ATP13A4: variants seen among roughly 807,000 people sequenced by gnomAD.
The protein encoded by ATP13A4 is ATPase 13A4, also known as probable cation-transporting ATPase 13A4.
A neutral mutation model predicts 142.5 loss-of-function variants in ATP13A4; 114 were observed. The ratio of observed to expected loss-of-function variants is 0.80; its 90% CI spans 0.69 to 0.93. ATP13A4 has a LOEUF of 0.93. Among genes scored for constraint, ATP13A4 ranks in the 40% least tolerant of loss-of-function variants. The pLI, the probability that ATP13A4 is intolerant of heterozygous loss-of-function variation, is 0.00. For missense variants in ATP13A4, 1,392 were observed against 1,454.0 expected (o/e 0.96, Z 0.69); for synonymous variants, 488 against 514.8 (o/e 0.95, Z 0.70).
intron 3 of ATP13A4, among the ~76,000 whole-genome samples, chr3:193,496,577 G>A (rs1326573200): frequency 6.6e-6 from 1 of 152,068 alleles, no homozygotes; most frequent in Non-Finnish European, 1.5e-5. Flanking sequence ...GATCACTTGA[G>A]GTCAGGAGTT....
intron 17 of ATP13A4, among the ~76,000 whole-genome samples, chr3:193,450,254 G>A (rs1199800360): frequency 1.3e-5 from 2 of 152,240 alleles, no homozygotes; most frequent in East Asian, 3.9e-4. Context: ...AGCTCCTTGG[G>A]AACAATCCCA....
intron 1 of ATP13A4, among the ~76,000 whole-genome samples, chr3:193,541,050 G>C (rs994009064): frequency 1.8e-4 from 28 of 151,838 alleles, no homozygotes; most frequent in East Asian, 3.9e-4. Flanking sequence ...GAGATCGAGA[G>C]CATCCTGGCT....
Position 193,448,305 on chromosome 3 carries a change from A to T in ATP13A4, c.2053T>A (p.Phe685Ile). The change falls in exon 18 of 30, where the codon TTT becomes ATT. Residue 685 changes from phenylalanine (F) to isoleucine (I), a missense_variant. Coordinates refer to ENST00000342695, the MANE Select transcript of ATP13A4 (RefSeq NM_032279.4). Reference protein sequence around the residue: ...TRETVESDLIFLGLLILENRL... With the variant: ...TRETVESDLIILGLLILENRL... ...TTCTCCAAGATCAGCAGCCCCAGAA[A>T]TATCAGGTCTGATTCTACCGTCTCC... The T allele has an allele frequency of 2.5e-6, 4 of 1,614,172 alleles. No homozygotes were observed. Among genetic ancestry groups the T allele is most frequent in the Non-Finnish European group, 3.4e-6 (4 of 1,180,026 alleles).
At chr3:193,563,484 T>A (rs1047594032) in intron 2 of ATP13A4, among the ~76,000 whole-genome samples, 2 of 152,186 alleles carry the variant, frequency 1.3e-5, no homozygotes, top group African/African-American at 4.8e-5. Flanking sequence ...CAGTAAATGA[T>A]CAACACATAC....
intron 1 of ATP13A4, among the ~76,000 whole-genome samples, chr3:193,540,527 C>CAAA (rs11360543): frequency 1.8e-4 from 8 of 44,782 alleles, no homozygotes; most frequent in African/African-American, 2.7e-4. Flanking sequence ...GGCTCTCTGC[C>CAAA]AAAAAAAAAA....
In ATP13A4 at chr3:193,493,969, C is replaced by A. The variant is rs142609637; in HGVS notation, c.382-809G>T. On this transcript the variant is annotated intron_variant, in intron 3 of 29. Coordinates refer to ENST00000342695, the MANE Select transcript of ATP13A4 (RefSeq NM_032279.4). ...AGAAGACATTCCATGAAAATGGAAA[C>A]CAGAAAAGAGTAGAAATAGTTATAT... is the stretch of plus-strand genomic sequence containing the variant. Among the ~76,000 whole-genome samples the A allele has an allele frequency of 2.3e-3, 343 of 151,664 alleles. 3 individuals carry two copies. Among genetic ancestry groups the A allele is most frequent in the African/African-American group, 7.4e-3 (305 of 41,386 alleles).
intron 25 of ATP13A4, among the ~76,000 whole-genome samples, chr3:193,418,555 C>T (rs1161275133): frequency 2.0e-5 from 3 of 149,690 alleles, no homozygotes; most frequent in South Asian, 2.1e-4. Flanking sequence ...AAATATCTGG[C>T]ATCCAACACC....
In ATP13A4 at chr3:193,411,016, A is replaced by G. The variant is rs1179742780; in HGVS notation, c.3263T>C (p.Phe1088Ser). 1.2e-6 allele frequency: 2 copies of G among 1,610,888 alleles called. No individual in the cohort carries two copies. Among genetic ancestry groups the G allele is most frequent in the Non-Finnish European group, 1.7e-6 (2 of 1,177,256 alleles). The change falls in exon 28 of 30, where the codon TTT (phenylalanine) becomes TCT (serine). Residue 1088 changes from phenylalanine (F) to serine (S), a missense_variant. Coordinates refer to ENST00000342695, the MANE Select transcript of ATP13A4 (RefSeq NM_032279.4). The part of the protein sequence containing the change: ...IQLGVCLFIL[F>S]ADIPELYRRL... ...TCTATATAATTCTGGTATATCAGCA[A>G]ATAGAATGAATAGACATACACCAAG...
At chr3:193,517,573 C>T (rs1459407792) in intron 1 of ATP13A4, among the ~76,000 whole-genome samples, 1 of 152,154 alleles carries the variant, frequency 6.6e-6, no homozygotes, top group Non-Finnish European at 1.5e-5. Context: ...CTCCGCCTCC[C>T]GGGTTCACGC....
At chr3:193,568,315 A>G (rs1398141422) in intron 2 of ATP13A4, among the ~76,000 whole-genome samples, 2 of 152,108 alleles carry the variant, frequency 1.3e-5, no homozygotes, top group African/African-American at 4.8e-5. Context: ...AGTTGATTCC[A>G]GGAAAAAAGC....
At chr3:193,570,594 T>C (rs1724239538) in intron 2 of ATP13A4, among the ~76,000 whole-genome samples, 1 of 152,164 alleles carries the variant, frequency 6.6e-6, no homozygotes, top group African/African-American at 2.4e-5. Flanking sequence ...AGGACTGGAA[T>C]AGAGGCCTAA....
At chr3:193,582,707 TATATATGTATATTACATATATAAAA>T (rs1577090133) in intron 1 of ATP13A4, among the ~76,000 whole-genome samples, 2 of 46,604 alleles carry the variant, frequency 4.3e-5, no homozygotes, top group East Asian at 5.8e-4. Flanking sequence ...ACATATATAA[TATATATGTATATTACATATATAAAA>T]TATATATGTA....
At chr3:193,493,695 C>G (rs1720069943) in intron 3 of ATP13A4, among the ~76,000 whole-genome samples, 1 of 151,952 alleles carries the variant, frequency 6.6e-6, no homozygotes, top group African/African-American at 2.4e-5. Context: ...GGCAAGTGAG[C>G]ACGCCTGTTT....
At chr3:193,510,144 G>T (rs1359944345) in intron 2 of ATP13A4, among the ~76,000 whole-genome samples, 8 of 152,172 alleles carry the variant, frequency 5.3e-5, no homozygotes, top group Non-Finnish European at 8.8e-5. Flanking sequence ...GAGGAGCGGG[G>T]AGGAGAGGAG....
chr3:193,520,459 T>C (rs1721657331), intron 1 of ATP13A4, among the ~76,000 whole-genome samples: 1 of 152,238 alleles, frequency 6.6e-6, no homozygotes, highest in Non-Finnish European at 1.5e-5. Flanking sequence ...CTAGGATTTT[T>C]GCTTTTTCTT....
intron 3 of ATP13A4, among the ~76,000 whole-genome samples, chr3:193,494,790 G>A (rs546190514): frequency 2.0e-5 from 3 of 151,690 alleles, no homozygotes; most frequent in South Asian, 2.1e-4. Flanking sequence ...TAAATAAAAC[G>A]AGACAACAAA....
At chr3:193,585,016 T>C (rs1724641353) in intron 1 of ATP13A4, among the ~76,000 whole-genome samples, 1 of 152,200 alleles carries the variant, frequency 6.6e-6, no homozygotes. Flanking sequence ...AAATGGATGC[T>C]CTAAATCAAG....
chr3:193,497,095 T>C (rs1236458876), intron 3 of ATP13A4, among the ~76,000 whole-genome samples: 1 of 152,148 alleles, frequency 6.6e-6, no homozygotes, highest in Non-Finnish European at 1.5e-5. Flanking sequence ...TAAAAGTTTC[T>C]ATACAGCAAA....
chr3:193,569,296 G>T (rs553325501), intron 2 of ATP13A4, among the ~76,000 whole-genome samples: 1 of 152,332 alleles, frequency 6.6e-6, no homozygotes, highest in East Asian at 1.9e-4. Context: ...TACCAGTCTA[G>T]TAGTCCTTAA....
Sources: allele counts gnomAD v4.1 joint callset (sites outside exome capture counted in the v4.1 genomes callset), GRCh38; gene constraint gnomAD v4.1.1; transcripts MANE v1.5; gene names NCBI Gene and HGNC (gene_info 2026-07-23, HGNC 2026-07-21).